PACRG: variants seen among roughly 807,000 people sequenced by gnomAD.
The protein encoded by PACRG is parkin coregulated gene protein.
In PACRG, 29 loss-of-function variants were observed where a neutral mutation model predicts 29.7. The observed-to-expected ratio is 0.98, with a 90% confidence interval of 0.73 to 1.33. The LOEUF is 1.33. PACRG is among the 40% of genes most tolerant of loss of function. The pLI, the probability that PACRG is intolerant of heterozygous loss-of-function variation, is 0.00. For missense variants in PACRG, 279 were observed against 316.2 expected (o/e 0.88, Z 0.89); for synonymous variants, 116 against 118.7 (o/e 0.98, Z 0.15).
chr6:163,078,678 G>A (rs1211293079), intron 3 of PACRG, among the ~76,000 whole-genome samples: 2 of 151,934 alleles, frequency 1.3e-5, no homozygotes, highest in Admixed American at 6.6e-5. Context: ...TTAGTCACCC[G>A]GGCTAGAGCC....
At chr6:163,287,932 C>G (rs144027047) in intron 4 of PACRG, among the ~76,000 whole-genome samples, 1,663 of 152,204 alleles carry the variant, frequency 0.011, 34 homozygotes, top group African/African-American at 0.038. Flanking sequence ...ACAGAAGAAG[C>G]TATTTATTTG....
intron 4 of PACRG, among the ~76,000 whole-genome samples, chr6:163,103,778 G>C (rs1222134815): frequency 6.6e-6 from 1 of 152,168 alleles, no homozygotes; most frequent in Non-Finnish European, 1.5e-5. Context: ...AAAATTAACT[G>C]CCAACATTTA....
At chr6:162,931,124 T>G (rs1011643645) in intron 2 of PACRG, among the ~76,000 whole-genome samples, 1 of 151,756 alleles carries the variant, frequency 6.6e-6, no homozygotes, top group Non-Finnish European at 1.5e-5. Context: ...TACAAAAAAT[T>G]TTTGAAGAGT....
intron 2 of PACRG, among the ~76,000 whole-genome samples, chr6:162,975,472 T>A (rs116398358): frequency 1.4e-3 from 216 of 152,360 alleles, no homozygotes; most frequent in African/African-American, 5.0e-3. Context: ...ATATCTGCTC[T>A]TTGTGTTTTG....
rs1290505988 is a variant in PACRG, at chr6:163,148,454, G to A, written c.613+59046G>A. ...ACATCTGGCCATCACGGGCAGGTTC[G>A]CATCTCACACAGAAAACATTTCTAG... is the stretch of plus-strand genomic sequence containing the variant. On this transcript the variant is annotated intron_variant, in intron 4 of 4. Coordinates refer to ENST00000366888, the MANE Select transcript of PACRG (RefSeq NM_001080379.2). 3.3e-5 allele frequency among the ~76,000 whole-genome samples: 5 copies of A among 152,136 alleles called. No individual in the cohort carries two copies. The East Asian group carries it at 9.6e-4, about 29-fold the overall frequency.
chr6:163,194,969 C>T (rs1233312978), intron 4 of PACRG, among the ~76,000 whole-genome samples: 1 of 152,174 alleles, frequency 6.6e-6, no homozygotes, highest in Non-Finnish European at 1.5e-5. Context: ...AAGTGCCTCC[C>T]CTCTACATCG....
chr6:162,741,992 G>C (rs116644445), intron 1 of PACRG, among the ~76,000 whole-genome samples: 54 of 152,174 alleles, frequency 3.5e-4, no homozygotes, highest in African/African-American at 1.2e-3. Flanking sequence ...TTGTACAATA[G>C]ATCTCTTGAA....
chr6:163,136,854 A>G (rs1816956967), intron 4 of PACRG, among the ~76,000 whole-genome samples: 1 of 152,260 alleles, frequency 6.6e-6, no homozygotes, highest in South Asian at 2.1e-4. Flanking sequence ...TATCTTGAAT[A>G]GATTGGAAAT....
At chr6:163,080,850 A>G (rs1813010485) in intron 3 of PACRG, among the ~76,000 whole-genome samples, 1 of 152,184 alleles carries the variant, frequency 6.6e-6, no homozygotes, top group African/African-American at 2.4e-5. Flanking sequence ...CATATTATAT[A>G]TGTGTTGAGA....
chr6:163,012,783 A>G (rs2128212514), intron 2 of PACRG, among the ~76,000 whole-genome samples: 1 of 152,374 alleles, frequency 6.6e-6, no homozygotes, highest in Admixed American at 6.5e-5. Context: ...TAAATACTTG[A>G]GTGCAGGCAC....
intron 4 of PACRG, among the ~76,000 whole-genome samples, chr6:163,289,467 C>T (rs745585564): frequency 1.3e-5 from 2 of 152,084 alleles, no homozygotes; most frequent in Non-Finnish European, 2.9e-5. Context: ...TTGACCTCCT[C>T]AATATTTATT....
At chr6:162,795,367 A>G (rs1175473875) in intron 1 of PACRG, among the ~76,000 whole-genome samples, 1 of 152,086 alleles carries the variant, frequency 6.6e-6, no homozygotes. Context: ...AAAGACATTG[A>G]TCCAATTTTA....
intron 4 of PACRG, among the ~76,000 whole-genome samples, chr6:163,285,823 T>C (rs887104309): frequency 2.6e-5 from 4 of 152,164 alleles, no homozygotes; most frequent in Non-Finnish European, 4.4e-5. Flanking sequence ...CAAAGAACAT[T>C]GCCCACAGTA....
At chr6:163,266,895 C>T (rs971390146) in intron 4 of PACRG, among the ~76,000 whole-genome samples, 3 of 152,174 alleles carry the variant, frequency 2.0e-5, no homozygotes, top group Middle Eastern at 3.2e-3. Flanking sequence ...TTTATGAGCA[C>T]GTTCTTCCTT....
At chr6:162,774,564 A>G (rs949736640) in intron 1 of PACRG, among the ~76,000 whole-genome samples, 4 of 152,328 alleles carry the variant, frequency 2.6e-5, no homozygotes, top group Admixed American at 6.5e-5. Flanking sequence ...AAGTCAGGAT[A>G]TTCTATTAAC....
At chr6:162,988,197 GT>G (rs1003448534) in intron 2 of PACRG, among the ~76,000 whole-genome samples, 2 of 152,144 alleles carry the variant, frequency 1.3e-5, no homozygotes, top group Non-Finnish European at 2.9e-5. Context: ...TGTTAGCCCT[GT>G]CTTCTATCTG....
intron 3 of PACRG, among the ~76,000 whole-genome samples, chr6:163,082,617 C>T (rs1562897630): frequency 1.3e-5 from 2 of 152,104 alleles, no homozygotes; most frequent in South Asian, 2.1e-4. Flanking sequence ...CTTCTGTTAG[C>T]GTCTCAGTAC....
At chr6:163,002,229 C>A (rs1188838578) in intron 2 of PACRG, among the ~76,000 whole-genome samples, 1 of 152,086 alleles carries the variant, frequency 6.6e-6, no homozygotes, top group East Asian at 1.9e-4. Context: ...AATACTGGTG[C>A]CTGTGTGTTG....
chr6:163,229,087 T>C (rs955238602), intron 4 of PACRG, among the ~76,000 whole-genome samples: 4 of 152,210 alleles, frequency 2.6e-5, no homozygotes, highest in Non-Finnish European at 5.9e-5. Flanking sequence ...AGGCCAGGCA[T>C]AGTGGCTCAT....
Sources: gnomAD v4.1 joint callset for allele counts (sites outside exome capture counted in the v4.1 genomes callset) on GRCh38, gnomAD v4.1.1 for gene constraint, MANE v1.5 for transcripts, NCBI Gene and HGNC (gene_info 2026-07-23, HGNC 2026-07-21) for gene names.